Variants in ZNF521 observed in about 807,000 individuals in gnomAD.
The protein encoded by ZNF521 is zinc finger protein 521, also known as LYST-interacting protein 3.
A neutral mutation model predicts 105.5 loss-of-function variants in ZNF521; 14 were observed. The observed-to-expected ratio is 0.13, with a 90% CI of 0.09 to 0.21. ZNF521 has a LOEUF of 0.21. Ranked by LOEUF, ZNF521 falls within the 10% of genes least tolerant of loss-of-function variation. The probability of loss-of-function intolerance (pLI) is 1.00; values close to 1 mark genes in which losing one functional copy is unlikely to be tolerated. For synonymous variants in ZNF521, 635 were observed against 606.0 expected (o/e 1.05, Z -0.70); for missense variants, 1,233 against 1,629.7 (o/e 0.76, Z 4.19).
intron 5 of ZNF521, among the ~76,000 whole-genome samples, chr18:25,175,069 A>C (rs2035513579): frequency 1.3e-5 from 2 of 152,228 alleles, no homozygotes; most frequent in African/African-American, 4.8e-5. Context: ...AAACATGTTA[A>C]TGGAAATTCT....
intron 5 of ZNF521, among the ~76,000 whole-genome samples, chr18:25,173,140 G>C (rs1391990110): frequency 6.6e-6 from 1 of 152,226 alleles, no homozygotes; most frequent in Admixed American, 6.5e-5. Context: ...CAGTGATGCT[G>C]TGGGACACAT....
chr18:25,150,891 C>CT (rs559303954), intron 5 of ZNF521, among the ~76,000 whole-genome samples: 33,243 of 132,084 alleles, frequency 0.25, 5,157 homozygotes, highest in East Asian at 0.35. Flanking sequence ...TTTCTTTTTT[C>CT]TTTTTTTTTT....
Position 25,320,011 on chromosome 18 carries a change from T to C in ZNF521, c.220+1997A>G, listed in dbSNP as rs1912852136. On this transcript the variant is annotated intron_variant, in intron 3 of 7. Transcript: ENST00000361524. ...AGGAAAGACAGAGGCTGAGAGAACA[T>C]TCCAGGTTAAAGGAGGTAAAAGAGA... Among the ~76,000 whole-genome samples the C allele has an allele frequency of 2.0e-5, 3 of 152,158 alleles. No homozygotes were observed. In the South Asian group the frequency reaches 6.2e-4, roughly 32 times the overall value.
At chr18:25,149,924 C>T (rs891591999) in intron 5 of ZNF521, among the ~76,000 whole-genome samples, 20 of 152,184 alleles carry the variant, frequency 1.3e-4, no homozygotes, top group African/African-American at 3.4e-4. Context: ...CACCCCTCTA[C>T]AGACACCTCC....
At chr18:25,192,544 T>G (rs2035836025) in intron 5 of ZNF521, among the ~76,000 whole-genome samples, 1 of 152,128 alleles carries the variant, frequency 6.6e-6, no homozygotes, top group Non-Finnish European at 1.5e-5. Flanking sequence ...GGTGACATAA[T>G]CCTTCCTCTA....
At chr18:25,109,084 A>G (rs1214668150) in intron 5 of ZNF521, among the ~76,000 whole-genome samples, 1 of 152,098 alleles carries the variant, frequency 6.6e-6, no homozygotes, top group Admixed American at 6.6e-5. Context: ...TGTACTCAAT[A>G]GGTATTTTTT....
At chr18:25,178,319 C>CA (rs1369039254) in intron 5 of ZNF521, among the ~76,000 whole-genome samples, 2 of 152,220 alleles carry the variant, frequency 1.3e-5, no homozygotes. Context: ...AGGACTGAGG[C>CA]ACATATGTTT....
At chr18:25,300,471 A>G (rs530497565) in intron 3 of ZNF521, among the ~76,000 whole-genome samples, 2 of 152,310 alleles carry the variant, frequency 1.3e-5, no homozygotes, top group Non-Finnish European at 2.9e-5. Flanking sequence ...TTTTGATCTA[A>G]TAGTGTATAA....
At position 25,350,888 on chromosome 18, in the gene ZNF521, G is replaced by A. The variant is rs1264503827; in HGVS notation, c.40+19C>T. The A allele has an allele frequency of 7.8e-6, 12 of 1,548,092 alleles. No individual in the cohort carries two copies. In the African/African-American group the frequency reaches 1.1e-4, roughly 14 times the overall value. On this transcript the variant is annotated intron_variant, in intron 2 of 7. Transcript: ENST00000361524. ...ACTCGCGGATGGGGGAAAGCGGGGAGCAGGGGGTTCCTCCTTACCTTTGAG... is the reference window on the plus strand; with the variant it reads ...ACTCGCGGATGGGGGAAAGCGGGGAACAGGGGGTTCCTCCTTACCTTTGAG...
chr18:25,349,458 A>C (rs778595293), intron 2 of ZNF521, among the ~76,000 whole-genome samples: 119 of 152,230 alleles, frequency 7.8e-4, no homozygotes, highest in Non-Finnish European at 1.3e-3. Context: ...CCGAACTAAA[A>C]CTTCTGCGCT....
At chr18:25,326,427 C>T (rs764165697) in intron 2 of ZNF521, among the ~76,000 whole-genome samples, 3 of 152,328 alleles carry the variant, frequency 2.0e-5, no homozygotes, top group East Asian at 3.9e-4. Flanking sequence ...AATATTTCTG[C>T]AGCTCAGTGG....
rs576292430 is a variant in ZNF521, at chr18:25,256,936, A to G, written c.221-29239T>C. Among the ~76,000 whole-genome samples the G allele has an allele frequency of 1.7e-4, 26 of 152,272 alleles. No homozygotes were observed. The South Asian group carries it at 4.3e-3, about 25-fold the overall frequency. ...ACTGAGTTCTGAAGACGGCCATGGC[A>G]AAAAATACTTCAATAAAGGCACCAC... On this transcript the variant is annotated intron_variant, in intron 3 of 7. Coordinates refer to ENST00000361524, the MANE Select transcript of ZNF521 (RefSeq NM_015461.3).
At chr18:25,078,414 G>T (rs906240035) in intron 7 of ZNF521, among the ~76,000 whole-genome samples, 1 of 152,166 alleles carries the variant, frequency 6.6e-6, no homozygotes, top group African/African-American at 2.4e-5. Flanking sequence ...CAGTGAACAC[G>T]GCCATTCTTG....
At chr18:25,256,143 T>A (rs1486581878) in intron 3 of ZNF521, among the ~76,000 whole-genome samples, 2 of 151,500 alleles carry the variant, frequency 1.3e-5, no homozygotes, top group African/African-American at 2.4e-5. Flanking sequence ...TTAAGCTAAG[T>A]GGAAAGTGCC....
In ZNF521 at chr18:25,226,400, T is replaced by C. The variant is rs1375187697; in HGVS notation, c.1518A>G (p.Ala506=). 1 of 1,614,056 alleles carries C rather than the reference T, an allele frequency of 6.2e-7. No individual in the cohort carries two copies. Among genetic ancestry groups the C allele is most frequent in the South Asian group, 1.1e-5 (1 of 91,078 alleles). Residue 506 remains alanine, a synonymous_variant, in exon 4 of 8, where the codon GCA becomes GCG. Transcript: ENST00000361524. The surrounding 1 kb of genome is among the most constrained non-coding windows in gnomAD (Gnocchi z 4.1). ...AAAAGAATGCATTACTATCTTTAGC[T>C]GCAGGGTTTGCAAATCCATGAGAAC... ...IRCSHGFANP[A]AKDSNAFFCP...
Position 25,227,138 on chromosome 18 carries a change from G to T in ZNF521, c.780C>A (p.Asp260Glu), listed in dbSNP as rs765268290. 4 of 1,614,032 alleles carry T rather than the reference G, an allele frequency of 2.5e-6. No individual in the cohort carries two copies. Among genetic ancestry groups the T allele is most frequent in the East Asian group, 4.5e-5 (2 of 44,878 alleles). Reference sequence around the variant, plus strand: ...GGCACTCTGCAATGTGTTTTTGGAGGTCTTCCGGGAAGTCAAAGCCTTCCT... The same window carrying T: ...GGCACTCTGCAATGTGTTTTTGGAGTTCTTCCGGGAAGTCAAAGCCTTCCT... ...QCEEGFDFPE[D>E]LQKHIAECHP... The change falls in exon 4 of 8, where the codon GAC becomes GAA. Residue 260 changes from aspartate to glutamate, a missense_variant. By Grantham distance (45) the Asp-to-Glu change is conservative. Coordinates refer to ENST00000361524, the MANE Select transcript of ZNF521 (RefSeq NM_015461.3). This position sits in a 1 kb window ranked among gnomAD's most constrained non-coding sequence, Gnocchi z 5.7.
intron 5 of ZNF521, among the ~76,000 whole-genome samples, chr18:25,149,342 A>G (rs773692827): frequency 3.3e-5 from 5 of 152,194 alleles, no homozygotes; most frequent in African/African-American, 4.8e-5. Context: ...GAACTTTCCT[A>G]TAGTAAGTAT....
At chr18:25,272,079 C>T (rs1909700623) in intron 3 of ZNF521, among the ~76,000 whole-genome samples, 1 of 151,884 alleles carries the variant, frequency 6.6e-6, no homozygotes, top group Admixed American at 6.6e-5. Flanking sequence ...AAAAAACAAC[C>T]CCATCAAAAA....
chr18:25,271,802 T>C (rs1000203078), intron 3 of ZNF521, among the ~76,000 whole-genome samples: 6 of 152,060 alleles, frequency 3.9e-5, no homozygotes, highest in Non-Finnish European at 8.8e-5. Context: ...CCTAAAACCA[T>C]AAAAACCATA....
Sources: gnomAD v4.1 joint callset for allele counts (sites outside exome capture counted in the v4.1 genomes callset) on GRCh38, gnomAD v4.1.1 for gene constraint, Gnocchi (gnomAD v3.1) non-coding constraint, MANE v1.5 for transcripts, NCBI Gene and HGNC (gene_info 2026-07-23, HGNC 2026-07-21) for gene names.